Variants in SLC25A26 observed in about 807,000 individuals in gnomAD.
SLC25A26 encodes the protein solute carrier family 25 member 26.
A neutral mutation model predicts 37.8 loss-of-function variants in SLC25A26; 36 were observed. That is an observed-to-expected ratio of 0.95 (90% CI 0.73 to 1.26). SLC25A26 has a LOEUF of 1.26. Ranked by LOEUF, SLC25A26 falls within the 50% of genes most tolerant of loss-of-function variation. The pLI, the probability that SLC25A26 is intolerant of heterozygous loss-of-function variation, is 0.00. For synonymous variants in SLC25A26, 129 were observed against 122.5 expected, an observed-to-expected ratio of 1.05 and a Z score of -0.35; for missense variants, 390 against 331.1, an observed-to-expected ratio of 1.18 and a Z score of -1.38.
At position 66,369,659 on chromosome 3, in the gene SLC25A26, T is replaced by C. The variant is rs183919437; in HGVS notation, c.633+117T>C. On this transcript the variant is annotated intron_variant, in intron 8 of 9. Coordinates refer to ENST00000354883, the MANE Select transcript of SLC25A26 (RefSeq NM_001379210.1). ...ACCATTTACCTGTAATAGCATCTTA[T>C]GCTGCCTGTGCAACCTCTAACAAAA... is the stretch of plus-strand genomic sequence containing the variant. 658 of 825,136 alleles carry C rather than the reference T, an allele frequency of 8.0e-4. 2 individuals carry two copies. Among genetic ancestry groups the C allele is most frequent in the Non-Finnish European group, 1.0e-4 (52 of 507,742 alleles). The allele number at this position is 825,136 out of a possible 1,614,324, so 51.1% of individuals were successfully genotyped here. A position where few individuals can be genotyped will look rare whatever the true frequency, so the allele number is the denominator to read the frequency against.
intron 7 of SLC25A26, among the ~76,000 whole-genome samples, chr3:66,366,682 C>G (rs1559743811): frequency 6.6e-6 from 1 of 152,136 alleles, no homozygotes; most frequent in Admixed American, 6.5e-5. Context: ...ATTAGATGTT[C>G]CTTATCAACC....
intron 5 of SLC25A26, 102 bp downstream of exon 5, chr3:66,263,481 G>T: frequency 2.6e-6 from 2 of 773,844 alleles, no homozygotes; most frequent in Non-Finnish European, 4.3e-6. Flanking sequence ...GAGAAACTTG[G>T]TTTAAAAAAT....
chr3:66,216,631 T>G (rs973309116), upstream of SLC25A26, among the ~76,000 whole-genome samples: 12 of 152,232 alleles, frequency 7.9e-5, no homozygotes, highest in African/African-American at 2.4e-4. Context: ...GTTTTTTTTT[T>G]TGTGCTAGGC....
chr3:66,303,994 C>T (rs995341519), intron 5 of SLC25A26, among the ~76,000 whole-genome samples: 3 of 152,184 alleles, frequency 2.0e-5, no homozygotes, highest in East Asian at 1.9e-4. Context: ...CCTCCATAGG[C>T]CCTTTTACAA....
intron 5 of SLC25A26, among the ~76,000 whole-genome samples, chr3:66,315,337 A>G (rs945992597): frequency 2.0e-5 from 3 of 151,964 alleles, no homozygotes; most frequent in Non-Finnish European, 4.4e-5. Flanking sequence ...GTTCTTACTG[A>G]TTTCAAATAA....
At chr3:66,189,983 T>C (rs939338811) in intron 1 of SLC25A26, among the ~76,000 whole-genome samples, 7 of 152,076 alleles carry the variant, frequency 4.6e-5, no homozygotes, top group African/African-American at 1.4e-4. Context: ...TTTTCAAATA[T>C]GCTGCTTTGA....
chr3:66,165,790 A>C (rs1219115493), intron 1 of SLC25A26, among the ~76,000 whole-genome samples: 1 of 152,176 alleles, frequency 6.6e-6, no homozygotes, highest in Admixed American at 6.5e-5. Flanking sequence ...CTTGAAAAAC[A>C]AAATACGGAA....
At chr3:66,145,394 G>A (rs140952750) in intron 1 of SLC25A26, among the ~76,000 whole-genome samples, 2,275 of 152,308 alleles carry the variant, frequency 0.015, 26 homozygotes, top group Non-Finnish European at 0.022. Flanking sequence ...AGGTTCTAAA[G>A]TGGCCTTCAA....
At chr3:66,153,570 A>G (rs2070236441) in intron 1 of SLC25A26, among the ~76,000 whole-genome samples, 1 of 152,240 alleles carries the variant, frequency 6.6e-6, no homozygotes, top group Admixed American at 6.5e-5. Context: ...TTTGAGAAAC[A>G]CAACCGCAGA....
chr3:66,246,026 T>G (rs2107141758), intron 3 of SLC25A26, among the ~76,000 whole-genome samples: 1 of 152,324 alleles, frequency 6.6e-6, no homozygotes, highest in South Asian at 2.1e-4. Flanking sequence ...TCTCTATGAA[T>G]TTGCCTATTT....
chr3:66,229,116 T>C (rs2071892054), intron 1 of SLC25A26, among the ~76,000 whole-genome samples: 1 of 152,226 alleles, frequency 6.6e-6, no homozygotes, highest in African/African-American at 2.4e-5. Context: ...ACCAGCAAAC[T>C]TTGAAGGATG....
intron 1 of SLC25A26, among the ~76,000 whole-genome samples, chr3:66,162,198 C>T (rs971579527): frequency 2.0e-5 from 3 of 152,114 alleles, no homozygotes; most frequent in African/African-American, 7.2e-5. Context: ...CAAATCTCCT[C>T]TTATTATCAG....
chr3:66,318,905 C>T (rs556729509), intron 5 of SLC25A26, among the ~76,000 whole-genome samples: 1 of 152,236 alleles, frequency 6.6e-6, no homozygotes, highest in African/African-American at 2.4e-5. Context: ...CAACCTTGGC[C>T]TCCCAAAGTG....
intron 5 of SLC25A26, among the ~76,000 whole-genome samples, chr3:66,345,550 A>C (rs1575592425): frequency 2.3e-5 from 3 of 128,832 alleles, no homozygotes; most frequent in African/African-American, 9.1e-5. Context: ...TTCCTTTTTT[A>C]CCCATCTCTT....
At chr3:66,279,779 G>C (rs1417583519) in intron 5 of SLC25A26, among the ~76,000 whole-genome samples, 1 of 152,164 alleles carries the variant, frequency 6.6e-6, no homozygotes, top group Non-Finnish European at 1.5e-5. Context: ...CTTACAAACT[G>C]ATTACCAAGT....
intron 1 of SLC25A26, among the ~76,000 whole-genome samples, chr3:66,178,860 G>A (rs1284181995): frequency 1.3e-5 from 2 of 152,214 alleles, no homozygotes; most frequent in African/African-American, 2.4e-5. Flanking sequence ...CGTCAGGTAT[G>A]TATATAATTG....
intron 1 of SLC25A26, among the ~76,000 whole-genome samples, chr3:66,160,343 T>C (rs2070339861): frequency 6.6e-6 from 1 of 152,214 alleles, no homozygotes; most frequent in African/African-American, 2.4e-5. Context: ...AAATCAGTTC[T>C]GTCCCCCATT....
intron 5 of SLC25A26, among the ~76,000 whole-genome samples, chr3:66,287,972 G>A (rs542617518): frequency 6.6e-6 from 1 of 152,302 alleles, no homozygotes; most frequent in Admixed American, 6.5e-5. Flanking sequence ...TACTGAAGTG[G>A]TGACCCAGTA....
chr3:66,355,558 A>G (rs1334305308), intron 6 of SLC25A26, among the ~76,000 whole-genome samples: 1 of 152,204 alleles, frequency 6.6e-6, no homozygotes, highest in African/African-American at 2.4e-5. Context: ...GTGTGGCGGA[A>G]TGAAAGCCAA....
Sources: gnomAD v4.1 joint callset for allele counts (sites outside exome capture counted in the v4.1 genomes callset) on GRCh38, gnomAD v4.1.1 for gene constraint, MANE v1.5 for transcripts, NCBI Gene and HGNC (gene_info 2026-07-23, HGNC 2026-07-21) for gene names.